The following GRIK2 variants were observed in gnomAD, a reference collection of about 807,000 sequenced individuals.
GRIK2 encodes the protein glutamate ionotropic receptor kainate type subunit 2, also known as glutamate receptor ionotropic, kainate 2.
Under a neutral mutation model 100.3 loss-of-function variants are expected in GRIK2, and 32 were observed. That is an observed-to-expected ratio of 0.32 (90% CI 0.24 to 0.43). The LOEUF is 0.43. Ranked by LOEUF, GRIK2 falls within the 20% of genes least tolerant of loss-of-function variation. The pLI is 1.00. For synonymous variants in GRIK2, 417 were observed against 389.4 expected (o/e 1.07, Z -0.83); for missense variants, 843 against 1,114.9 (o/e 0.76, Z 3.47).
intron 7 of GRIK2, among the ~76,000 whole-genome samples, chr6:101,748,427 A>G (rs1776576631): frequency 6.6e-6 from 1 of 152,166 alleles, no homozygotes; most frequent in Non-Finnish European, 1.5e-5. Context: ...ATTCTGGGAC[A>G]GCTAAAAGAC....
At chr6:101,740,428 G>A (rs1562348278) in intron 7 of GRIK2, among the ~76,000 whole-genome samples, 1 of 152,084 alleles carries the variant, frequency 6.6e-6, no homozygotes, top group African/African-American at 2.4e-5. Context: ...TTTTTAAAAG[G>A]AAAAGGGGGA....
At chr6:101,707,521 A>T (rs1053498603) in intron 7 of GRIK2, among the ~76,000 whole-genome samples, 15 of 141,038 alleles carry the variant, frequency 1.1e-4, no homozygotes, top group African/African-American at 4.1e-4. Flanking sequence ...TAGAATTGTG[A>T]AAATATATAT....
intron 2 of GRIK2, among the ~76,000 whole-genome samples, chr6:101,575,436 T>C (rs907322276): frequency 5.3e-5 from 8 of 152,030 alleles, no homozygotes; most frequent in African/African-American, 1.9e-4. Context: ...GCATAAAGTC[T>C]GTAACATTTA....
intron 10 of GRIK2, among the ~76,000 whole-genome samples, chr6:101,821,097 C>T (rs60255512): frequency 1.7e-3 from 258 of 152,108 alleles, no homozygotes; most frequent in African/African-American, 5.6e-3. Context: ...GGAAATTAGA[C>T]GAAGTACAGA....
At chr6:101,413,124 C>T (rs1428054708) in intron 2 of GRIK2, among the ~76,000 whole-genome samples, 1 of 151,872 alleles carries the variant, frequency 6.6e-6, no homozygotes, top group African/African-American at 2.4e-5. Context: ...GAATTTTAAC[C>T]TTTAAATTTG....
intron 15 of GRIK2, among the ~76,000 whole-genome samples, chr6:102,041,826 G>A (rs376034668): frequency 7.9e-5 from 12 of 151,480 alleles, no homozygotes; most frequent in African/African-American, 2.9e-4. Context: ...TTGAAGAAAT[G>A]TTCTCTAATA....
chr6:101,418,017 G>C (rs1025183106), intron 2 of GRIK2, among the ~76,000 whole-genome samples: 11 of 152,192 alleles, frequency 7.2e-5, no homozygotes, highest in African/African-American at 2.7e-4. Flanking sequence ...GCAGAGTTCT[G>C]TGTGTTTATT....
intron 2 of GRIK2, among the ~76,000 whole-genome samples, chr6:101,517,854 C>T (rs989177214): frequency 1.1e-4 from 16 of 152,012 alleles, no homozygotes; most frequent in African/African-American, 2.4e-4. Flanking sequence ...ATTAGGCTAA[C>T]GGTATTTTAA....
intron 14 of GRIK2, among the ~76,000 whole-genome samples, chr6:102,010,372 ACTT>A (rs1485036318): frequency 7.6e-5 from 7 of 92,508 alleles, no homozygotes; most frequent in Admixed American, 1.3e-4. Context: ...TCCTCCCCCC[ACTT>A]CTTCTTTTTC....
intron 2 of GRIK2, among the ~76,000 whole-genome samples, chr6:101,529,666 G>C (rs1030004425): frequency 2.0e-5 from 3 of 152,070 alleles, no homozygotes; most frequent in African/African-American, 7.2e-5. Flanking sequence ...AATCTATAAA[G>C]AGGGTTGGTG....
At chr6:101,587,390 G>T (rs799537) in intron 2 of GRIK2, among the ~76,000 whole-genome samples, 322 of 151,876 alleles carry the variant, frequency 2.1e-3, no homozygotes, top group Middle Eastern at 6.8e-3. Context: ...CTGTCTGTCC[G>T]TCTGTCTGTC....
intron 4 of GRIK2, among the ~76,000 whole-genome samples, chr6:101,643,582 A>G (rs1222767792): frequency 1.3e-5 from 2 of 151,552 alleles, no homozygotes; most frequent in Admixed American, 6.6e-5. Flanking sequence ...ATTTTATTCC[A>G]TTGGTTTATA....
At position 102,064,165 on chromosome 6, in the gene GRIK2, T is replaced by C. The variant is rs1582811863; in HGVS notation, c.2563-4182T>C. 8.5e-6 allele frequency: 5 copies of C among 586,652 alleles called. No homozygotes were observed. The East Asian group carries it at 1.6e-4, about 19-fold the overall frequency. The allele number at this position is 586,652 out of a possible 1,614,324, so 36.3% of individuals were successfully genotyped here. A position where few individuals can be genotyped will look rare whatever the true frequency, so the allele number is the denominator to read the frequency against. ...TGACCTTATTTAATGACACAGTGCG[T>C]GGGTTTCCACCCCTAAATAGTGATT... On this transcript the variant is annotated intron_variant, in intron 16 of 16. Coordinates refer to ENST00000369134, the MANE Select transcript of GRIK2 (RefSeq NM_021956.5).
chr6:101,945,603 A>G (rs1791223357), intron 14 of GRIK2, among the ~76,000 whole-genome samples: 1 of 152,178 alleles, frequency 6.6e-6, no homozygotes, highest in African/African-American at 2.4e-5. Context: ...CCTTAATTTA[A>G]TCAGTAAGCC....
chr6:101,941,302 T>C (rs1009825027), intron 14 of GRIK2, among the ~76,000 whole-genome samples: 3 of 152,080 alleles, frequency 2.0e-5, no homozygotes, highest in African/African-American at 7.2e-5. Flanking sequence ...AAACTGGTAC[T>C]ACAACTGGAA....
chr6:101,737,850 G>T (rs1775752083), intron 7 of GRIK2, among the ~76,000 whole-genome samples: 2 of 152,122 alleles, frequency 1.3e-5, no homozygotes, highest in Non-Finnish European at 2.9e-5. Context: ...ATGGTGCATT[G>T]TGAAAGAAAA....
At chr6:102,040,434 C>T (rs1042587711) in intron 15 of GRIK2, among the ~76,000 whole-genome samples, 5 of 151,414 alleles carry the variant, frequency 3.3e-5, no homozygotes, top group African/African-American at 1.2e-4. Flanking sequence ...AATGTACTTA[C>T]CCATAATTAG....
intron 12 of GRIK2, among the ~76,000 whole-genome samples, chr6:101,909,936 T>C (rs1031336247): frequency 2.6e-5 from 4 of 151,080 alleles, no homozygotes; most frequent in Non-Finnish European, 5.9e-5. Context: ...CTATCAGAAA[T>C]AAAAATCTGA....
At chr6:102,001,169 G>A (rs1224565098) in intron 14 of GRIK2, among the ~76,000 whole-genome samples, 1 of 149,756 alleles carries the variant, frequency 6.7e-6, no homozygotes, top group Non-Finnish European at 1.5e-5. Context: ...CACTGTTCCA[G>A]GCATTCTTCT....
Sources: allele counts gnomAD v4.1 joint callset (sites outside exome capture counted in the v4.1 genomes callset), GRCh38; gene constraint gnomAD v4.1.1; transcripts MANE v1.5; gene names NCBI Gene and HGNC (gene_info 2026-07-23, HGNC 2026-07-21).